The following SH3GL2 variants were observed in gnomAD, a reference collection of about 807,000 sequenced individuals.
SH3GL2 encodes the protein SH3 domain containing GRB2 like 2, endophilin A1, also known as endophilin-A1.
In SH3GL2, 24 loss-of-function variants were observed where a neutral mutation model predicts 46.0. That is an observed-to-expected ratio of 0.52 (90% CI 0.38 to 0.73). The LOEUF (loss-of-function observed/expected upper bound fraction) is 0.73, where lower values mean the gene tolerates loss of function less well. Among genes scored for constraint, SH3GL2 ranks in the 30% least tolerant of loss-of-function variants. The pLI, the probability that SH3GL2 is intolerant of heterozygous loss-of-function variation, is 0.00. For missense variants in SH3GL2, 413 were observed against 424.2 expected, an observed-to-expected ratio of 0.97 and a Z score of 0.23; for synonymous variants, 196 against 147.1, an observed-to-expected ratio of 1.33 and a Z score of -2.40.
At chr9:17,729,721 C>G (rs961422784) in intron 1 of SH3GL2, among the ~76,000 whole-genome samples, 2 of 152,174 alleles carry the variant, frequency 1.3e-5, no homozygotes, top group African/African-American at 2.4e-5. Context: ...ATAGGTAATT[C>G]TTTCCCCATT....
Position 17,758,561 on chromosome 9 carries a change from C to CAAAAAAAAAAAAAAAAAAAAAAAA in SH3GL2, c.115-2865_115-2842dup, listed in dbSNP as rs57019804. Among the ~76,000 whole-genome samples the CAAAAAAAAAAAAAAAAAAAAAAAA allele has an allele frequency of 3.1e-4, 9 of 29,228 alleles. 2 individuals carry two copies. Among genetic ancestry groups the CAAAAAAAAAAAAAAAAAAAAAAAA allele is most frequent in the African/African-American group, 3.6e-4 (5 of 13,952 alleles). 19.2% of individuals were successfully genotyped at this position (29,228 alleles called of 152,430 possible). The stretch of plus-strand genomic sequence containing the variant: ...TGGGGGAGAGAGTAAGACCCTGTCT[C>CAAAAAAAAAAAAAAAAAAAAAAAA]AAAAAAAAAAAAAAAAAAAAAAAAA... On this transcript the variant is annotated intron_variant, in intron 2 of 8. Transcript: ENST00000380607.
Position 17,796,883 on chromosome 9 carries a change from A to C in SH3GL2, c.*1140A>C, listed in dbSNP as rs1257803678. 2 of 152,634 alleles carry C rather than the reference A, an allele frequency of 1.3e-5. No individual in the cohort carries two copies. Among genetic ancestry groups the C allele is most frequent in the Non-Finnish European group, 2.9e-5 (2 of 68,048 alleles). 9.5% of individuals were successfully genotyped at this position (152,634 alleles called of 1,614,324 possible). On this transcript the variant is annotated 3_prime_UTR_variant, in exon 9 of 9. Coordinates refer to ENST00000380607, the MANE Select transcript of SH3GL2 (RefSeq NM_003026.5). ...TCCATCGTCTTCATTTTGTGTGTAC[A>C]GTGCTGTGTGTAAGCTTATCAGTGT...
At chr9:17,661,055 G>C (rs1321822136) in intron 1 of SH3GL2, among the ~76,000 whole-genome samples, 3 of 152,068 alleles carry the variant, frequency 2.0e-5, no homozygotes, top group Non-Finnish European at 4.4e-5. Flanking sequence ...CCAGTTACTC[G>C]GGAGGCTGAG....
chr9:17,666,032 A>G (rs559324426), intron 1 of SH3GL2, among the ~76,000 whole-genome samples: 1 of 151,678 alleles, frequency 6.6e-6, no homozygotes, highest in African/African-American at 2.4e-5. Context: ...TATTCTTAAT[A>G]TACCTACTTA....
chr9:17,782,881 C>T (rs1387950535), intron 3 of SH3GL2, among the ~76,000 whole-genome samples: 2 of 152,178 alleles, frequency 1.3e-5, no homozygotes, highest in African/African-American at 4.8e-5. Flanking sequence ...CGCCAGCCTT[C>T]ATAGTATTAG....
At chr9:17,683,314 C>T (rs1673988130) in intron 1 of SH3GL2, among the ~76,000 whole-genome samples, 1 of 152,024 alleles carries the variant, frequency 6.6e-6, no homozygotes, top group Non-Finnish European at 1.5e-5. Context: ...GAATGGCATT[C>T]TTATGGAGGC....
chr9:17,712,078 CTT>C (rs1821640635), intron 1 of SH3GL2, among the ~76,000 whole-genome samples: 1 of 151,722 alleles, frequency 6.6e-6, no homozygotes, highest in Non-Finnish European at 1.5e-5. Flanking sequence ...TGTTGAGCGT[CTT>C]TTTATGTGCT....
At chr9:17,674,115 C>T (rs748550541) in intron 1 of SH3GL2, among the ~76,000 whole-genome samples, 10 of 152,144 alleles carry the variant, frequency 6.6e-5, no homozygotes, top group African/African-American at 1.9e-4. Flanking sequence ...CAAGAAATGT[C>T]TTTGCCTTTT....
chr9:17,632,347 G>A (rs548119863), intron 1 of SH3GL2, among the ~76,000 whole-genome samples: 2 of 152,180 alleles, frequency 1.3e-5, no homozygotes, highest in African/African-American at 4.8e-5. Flanking sequence ...CATCTTGGCC[G>A]ACATAGCTAC....
chr9:17,764,163 G>GA (rs1168627475), intron 3 of SH3GL2, among the ~76,000 whole-genome samples: 3 of 152,166 alleles, frequency 2.0e-5, no homozygotes, highest in Non-Finnish European at 4.4e-5. Context: ...GTTGGTTTCA[G>GA]AAAAACAGTT....
In SH3GL2 at chr9:17,592,711, A is replaced by G. The variant is rs548448630; in HGVS notation, c.45+13424A>G. On this transcript the variant is annotated intron_variant, in intron 1 of 8. Coordinates refer to ENST00000380607, the MANE Select transcript of SH3GL2 (RefSeq NM_003026.5). Reference sequence around the variant, plus strand: ...AGGACCATGGTATTGTGAAATATGTATTTCGTCTCCCTGTTTCCTCACAGA... The same window carrying G: ...AGGACCATGGTATTGTGAAATATGTGTTTCGTCTCCCTGTTTCCTCACAGA... Among the ~76,000 whole-genome samples, 221 of 152,190 alleles carry G rather than the reference A, an allele frequency of 1.5e-3. 1 individual carries two copies. Among genetic ancestry groups the G allele is most frequent in the Non-Finnish European group, 3.8e-4 (26 of 68,002 alleles).
At position 17,795,213 on chromosome 9, in the gene SH3GL2, T is replaced by C. The variant is rs145521845; in HGVS notation, c.860-331T>C. Among the ~76,000 whole-genome samples the C allele has an allele frequency of 2.5e-3, 378 of 152,360 alleles. 3 individuals carry two copies. The highest frequency in any genetic ancestry group is 2.7e-3 in the Admixed American group (42 of 15,308). On this transcript the variant is annotated intron_variant, in intron 8 of 8. Transcript: ENST00000380607. ...CTTCTTAAGTCATTGTCCCTCCTAT[T>C]TCTGGGCATTATCACGAAGGCAAAC... is the stretch of plus-strand genomic sequence containing the variant.
intron 1 of SH3GL2, among the ~76,000 whole-genome samples, chr9:17,601,966 T>C (rs1443569141): frequency 4.6e-5 from 7 of 152,184 alleles, no homozygotes; most frequent in Non-Finnish European, 5.9e-5. Context: ...GGGAATCTTA[T>C]AGATTGTTCA....
In SH3GL2 at chr9:17,745,412, A is replaced by G. The variant is rs529120054; in HGVS notation, c.46-1654A>G. Among the ~76,000 whole-genome samples the G allele has an allele frequency of 2.6e-5, 4 of 152,304 alleles. No individual in the cohort carries two copies. In the East Asian group the frequency reaches 7.8e-4, roughly 30 times the overall value. On this transcript the variant is annotated intron_variant, in intron 1 of 8. Coordinates refer to ENST00000380607, the MANE Select transcript of SH3GL2 (RefSeq NM_003026.5). ...TATTGTATACCATGTAGGTTCAGAC[A>G]TATGCTCTTACAATTCTTATGCCAT...
chr9:17,735,839 A>G (rs1003363721), intron 1 of SH3GL2: 1 of 493,408 alleles, frequency 2.0e-6, no homozygotes, highest in African/African-American at 2.1e-5. Context: ...CAGGGACATT[A>G]CTCTGCGTAT....
At chr9:17,655,459 C>G (rs1820052141) in intron 1 of SH3GL2, among the ~76,000 whole-genome samples, 1 of 152,088 alleles carries the variant, frequency 6.6e-6, no homozygotes, top group Non-Finnish European at 1.5e-5. Context: ...CACAACATGA[C>G]TTACTGCTTC....
At chr9:17,745,966 C>A (rs551342967) in intron 1 of SH3GL2, among the ~76,000 whole-genome samples, 3 of 152,156 alleles carry the variant, frequency 2.0e-5, no homozygotes, top group Non-Finnish European at 2.9e-5. Context: ...AAAAGGTCTT[C>A]GTGCCATTAA....
intron 2 of SH3GL2, among the ~76,000 whole-genome samples, chr9:17,750,526 C>G (rs957421117): frequency 2.6e-5 from 4 of 152,118 alleles, no homozygotes; most frequent in South Asian, 4.2e-4. Flanking sequence ...TGTGCTGTCT[C>G]TGTAGGATCC....
intron 1 of SH3GL2, among the ~76,000 whole-genome samples, chr9:17,664,304 C>T (rs987819255): frequency 6.6e-6 from 1 of 152,080 alleles, no homozygotes; most frequent in Non-Finnish European, 1.5e-5. Context: ...ACCACAGATA[C>T]AATATCCAGA....
Sources: allele counts gnomAD v4.1 joint callset (sites outside exome capture counted in the v4.1 genomes callset), GRCh38; gene constraint gnomAD v4.1.1; transcripts MANE v1.5; gene names NCBI Gene and HGNC (gene_info 2026-07-23, HGNC 2026-07-21).